The following ZSWIM6 variants were observed in gnomAD, a reference collection of about 807,000 sequenced individuals.
The protein encoded by ZSWIM6 is zinc finger SWIM domain-containing protein 6.
Under a neutral mutation model 113.2 loss-of-function variants are expected in ZSWIM6, and 9 were observed. That is an observed-to-expected ratio of 0.08 (90% CI 0.05 to 0.14). The LOEUF (loss-of-function observed/expected upper bound fraction) is 0.14, where lower values mean the gene tolerates loss of function less well. ZSWIM6 is among the 10% of genes least tolerant of loss of function. The pLI is 1.00. For synonymous variants in ZSWIM6, 611 were observed against 606.5 expected, an observed-to-expected ratio of 1.01 and a Z score of -0.11; for missense variants, 1,162 against 1,552.2, an observed-to-expected ratio of 0.75 and a Z score of 4.22.
intron 10 of ZSWIM6, among the ~76,000 whole-genome samples, chr5:61,536,035 T>G (rs758818974): frequency 6.6e-6 from 1 of 152,224 alleles, no homozygotes; most frequent in Non-Finnish European, 1.5e-5. Context: ...AATTCCGCAT[T>G]CCATCAGTAG....
At chr5:61,427,935 C>T (rs2112132030) in intron 1 of ZSWIM6, among the ~76,000 whole-genome samples, 1 of 151,538 alleles carries the variant, frequency 6.6e-6, no homozygotes, top group Non-Finnish European at 1.5e-5. Flanking sequence ...TTTTTTCTGA[C>T]AGAGTCCATA....
chr5:61,439,313 T>C (rs1374598240), intron 1 of ZSWIM6, among the ~76,000 whole-genome samples: 8 of 152,222 alleles, frequency 5.3e-5, no homozygotes, highest in African/African-American at 1.7e-4. Flanking sequence ...TGTACCATTA[T>C]GTTCTGGGAG....
chr5:61,391,956 C>G (rs1330610828), intron 1 of ZSWIM6: 1 of 518,096 alleles, frequency 1.9e-6, no homozygotes, highest in Non-Finnish European at 3.4e-6. Context: ...ATCCAGTGGG[C>G]TTGTACGGGT....
chr5:61,357,934 A>C (rs1384637343), intron 1 of ZSWIM6, among the ~76,000 whole-genome samples: 3 of 152,152 alleles, frequency 2.0e-5, no homozygotes, highest in Non-Finnish European at 2.9e-5. Flanking sequence ...TTGATGAGTT[A>C]CCAAGCTGTC....
chr5:61,444,409 C>T (rs1428218664), intron 1 of ZSWIM6, among the ~76,000 whole-genome samples: 2 of 151,928 alleles, frequency 1.3e-5, no homozygotes, highest in East Asian at 1.9e-4. Context: ...TATAAACATA[C>T]GTGTGCGTGT....
intron 1 of ZSWIM6, chr5:61,375,644 G>T: frequency 1.3e-6 from 2 of 1,542,584 alleles, no homozygotes; most frequent in Non-Finnish European, 1.8e-6. Context: ...AAAGGACTCA[G>T]CAAAAAGAGA....
intron 1 of ZSWIM6, among the ~76,000 whole-genome samples, chr5:61,344,395 T>C (rs1316510605): frequency 6.6e-6 from 1 of 152,146 alleles, no homozygotes; most frequent in Admixed American, 6.5e-5. Context: ...GATGGCAGGG[T>C]AGAATCAAGT....
At chr5:61,489,270 C>T (rs1438420462) in intron 2 of ZSWIM6, among the ~76,000 whole-genome samples, 1 of 151,950 alleles carries the variant, frequency 6.6e-6, no homozygotes, top group African/African-American at 2.4e-5. Context: ...TCAAGGTATG[C>T]TTACCCTAGC....
At chr5:61,351,941 T>G (rs1207679430) in intron 1 of ZSWIM6, among the ~76,000 whole-genome samples, 1 of 152,218 alleles carries the variant, frequency 6.6e-6, no homozygotes, top group Non-Finnish European at 1.5e-5. Context: ...GCTCAGCTCT[T>G]AGAATCTATA....
chr5:61,366,286 G>T (rs1231750398), intron 1 of ZSWIM6, among the ~76,000 whole-genome samples: 1 of 152,178 alleles, frequency 6.6e-6, no homozygotes, highest in East Asian at 1.9e-4. Flanking sequence ...ATACCAACCT[G>T]TACCCACTTT....
At chr5:61,481,132 A>G (rs1471051478) in intron 2 of ZSWIM6, among the ~76,000 whole-genome samples, 1 of 152,182 alleles carries the variant, frequency 6.6e-6, no homozygotes, top group Non-Finnish European at 1.5e-5. Context: ...TTTGTAAACA[A>G]AAGACCTTCA....
chr5:61,538,265 C>T (rs999405700), intron 10 of ZSWIM6, among the ~76,000 whole-genome samples: 1 of 152,166 alleles, frequency 6.6e-6, no homozygotes. Flanking sequence ...TCATAAGAAA[C>T]TAATTGTTCA....
Position 61,332,363 on chromosome 5 carries a change from G to A in ZSWIM6, c.91G>A (p.Gly31Ser). The A allele has an allele frequency of 5.0e-6, 5 of 1,008,046 alleles. No individual in the cohort carries two copies. The highest frequency in any genetic ancestry group is 5.9e-6 in the Non-Finnish European group (5 of 842,682). 62.4% of individuals were successfully genotyped at this position (1,008,046 alleles called of 1,614,324 possible). A position where few individuals can be genotyped will look rare whatever the true frequency, so the allele number is the denominator to read the frequency against. ...GGGGGGSSGGGGGAGGGYSSA... is the reference protein window; with the variant it reads ...GGGGGGSSGGSGGAGGGYSSA... ...CGGCGGCGGGGGCAGCAGCGGCGGCGGCGGCGGCGCGGGTGGCGGCTACAG... is the reference window on the plus strand; with the variant it reads ...CGGCGGCGGGGGCAGCAGCGGCGGCAGCGGCGGCGCGGGTGGCGGCTACAG... Residue 31 changes from glycine to serine, a missense_variant, in exon 1 of 14, where the codon GGC becomes AGC. Physicochemically the swap from Gly to Ser is moderately conservative, Grantham distance 56. This residue lies in a region of ZSWIM6 where 333 missense variants were observed against 293.4 expected (regional missense o/e 1.13). Coordinates refer to ENST00000252744, the MANE Select transcript of ZSWIM6 (RefSeq NM_020928.2).
rs1356028254 is a variant in ZSWIM6, at chr5:61,514,377, G to A, written c.1334-6886G>A. On this transcript the variant is annotated intron_variant, in intron 4 of 13. Transcript: ENST00000252744. The stretch of plus-strand genomic sequence containing the variant: ...TTGATGTCTTTAATCCCCTTCCCTT[G>A]CTTTATTGGCCTGTCTAGAATTTCC... Among the ~76,000 whole-genome samples, 10 of 149,724 alleles carry A rather than the reference G, an allele frequency of 6.7e-5. No homozygotes were observed. The East Asian group carries it at 2.0e-3, about 29-fold the overall frequency.
At chr5:61,439,471 A>G (rs1445925633) in intron 1 of ZSWIM6, among the ~76,000 whole-genome samples, 7 of 152,232 alleles carry the variant, frequency 4.6e-5, no homozygotes, top group African/African-American at 1.7e-4. Context: ...TGAAATATAA[A>G]GTACATGTAG....
chr5:61,525,896 G>A lies in ZSWIM6; in HGVS notation c.1610G>A (p.Ser537Asn). 1 of 1,552,106 alleles carries A rather than the reference G, an allele frequency of 6.4e-7. No individual in the cohort carries two copies. Residue 537 changes from serine (S) to asparagine (N), a missense_variant, in exon 6 of 14, where the codon AGT becomes AAT. Around this residue, in one of 4 missense-constraint regions of ZSWIM6, gnomAD observed 620 missense variants for 804.6 expected, o/e 0.77. Transcript: ENST00000252744. ...QDSHLQHIISSDLYTNYCYHD... is the reference protein window; with the variant it reads ...QDSHLQHIISNDLYTNYCYHD... Reference sequence around the variant, plus strand: ...AGCCACTTGCAGCACATTATCAGCAGTGACCTATACACCAACTACTGTTAC... The same window carrying A: ...AGCCACTTGCAGCACATTATCAGCAATGACCTATACACCAACTACTGTTAC...
chr5:61,385,829 C>T (rs575302832), intron 1 of ZSWIM6, among the ~76,000 whole-genome samples: 2 of 152,120 alleles, frequency 1.3e-5, no homozygotes, highest in Non-Finnish European at 2.9e-5. Context: ...TCTTGTCTTT[C>T]GAATAGAGGC....
intron 13 of ZSWIM6, among the ~76,000 whole-genome samples, chr5:61,542,251 T>A (rs1229169612): frequency 6.6e-6 from 1 of 152,214 alleles, no homozygotes; most frequent in East Asian, 1.9e-4. Context: ...ATATATAAAG[T>A]TACCTAGTTG....
intron 1 of ZSWIM6, among the ~76,000 whole-genome samples, chr5:61,460,162 C>A (rs1041526986): frequency 1.3e-5 from 2 of 152,150 alleles, no homozygotes; most frequent in Non-Finnish European, 2.9e-5. Flanking sequence ...GCATCTCCAG[C>A]CTTTCAGCCA....
Sources: allele counts gnomAD v4.1 joint callset (sites outside exome capture counted in the v4.1 genomes callset), GRCh38; gene constraint gnomAD v4.1.1; regional missense constraint gnomAD v4.1.1; transcripts MANE v1.5; gene names NCBI Gene and HGNC (gene_info 2026-07-23, HGNC 2026-07-21).